The following FSTL5 variants were observed in gnomAD, a reference collection of about 807,000 sequenced individuals.
FSTL5 encodes the protein follistatin-related protein 5.
In FSTL5, 62 loss-of-function variants were observed where a neutral mutation model predicts 89.1. The observed-to-expected ratio is 0.70, with a 90% confidence interval of 0.57 to 0.86. The LOEUF is 0.86. FSTL5 is among the 40% of genes least tolerant of loss of function. The pLI, the probability that FSTL5 is intolerant of heterozygous loss-of-function variation, is 0.00. For missense variants in FSTL5, 1,057 were observed against 1,001.6 expected, an observed-to-expected ratio of 1.06 and a Z score of -0.75; for synonymous variants, 383 against 346.2, an observed-to-expected ratio of 1.11 and a Z score of -1.18.
chr4:161,861,160 C>T (rs1056229206), intron 4 of FSTL5, among the ~76,000 whole-genome samples: 1 of 152,136 alleles, frequency 6.6e-6, no homozygotes. Context: ...TGATGGCTCA[C>T]GTCTGTAATC....
Position 162,033,670 on chromosome 4 carries a change from A to G in FSTL5, c.127-12T>C. On this transcript the variant is annotated splice_polypyrimidine_tract_variant and intron_variant, in intron 2 of 15. Transcript: ENST00000306100. ...TGATTTTTTTCCTGCTGGAAATAAA[A>G]CAGAAAATAGGTCAAAATATGTAAG... 6.8e-7 allele frequency: 1 copy of G among 1,461,520 alleles called. No individual in the cohort carries two copies. The highest frequency in any genetic ancestry group is 9.4e-7 in the Non-Finnish European group (1 of 1,061,072). 90.5% of individuals were successfully genotyped at this position (1,461,520 alleles called of 1,614,324 possible).
At chr4:162,026,480 G>T (rs972977793) in intron 3 of FSTL5, among the ~76,000 whole-genome samples, 2 of 151,248 alleles carry the variant, frequency 1.3e-5, no homozygotes, top group East Asian at 2.0e-4. Context: ...GCTAATTTTT[G>T]TATTTTTAGT....
intron 1 of FSTL5, among the ~76,000 whole-genome samples, chr4:162,129,679 C>T (rs912410322): frequency 6.6e-6 from 1 of 152,068 alleles, no homozygotes; most frequent in African/African-American, 2.4e-5. Context: ...GAAAACAAAA[C>T]AAAATGAAAA....
At chr4:161,551,084 A>G (rs1181492407) in intron 8 of FSTL5, among the ~76,000 whole-genome samples, 1 of 151,918 alleles carries the variant, frequency 6.6e-6, no homozygotes, top group African/African-American at 2.4e-5. Context: ...TTTATAGTCC[A>G]TTGAGTATAT....
intron 6 of FSTL5, among the ~76,000 whole-genome samples, chr4:161,675,932 C>T (rs554057602): frequency 6.9e-4 from 105 of 152,082 alleles, no homozygotes; most frequent in African/African-American, 2.4e-3. Flanking sequence ...TATTACCTTG[C>T]AATGTGGCAT....
chr4:162,067,074 C>T (rs1349628088), intron 2 of FSTL5, among the ~76,000 whole-genome samples: 1 of 152,064 alleles, frequency 6.6e-6, no homozygotes, highest in Non-Finnish European at 1.5e-5. Context: ...CTTGTTCTGT[C>T]ACCCAGGCTG....
intron 5 of FSTL5, among the ~76,000 whole-genome samples, chr4:161,761,012 C>G (rs1180261356): frequency 6.6e-6 from 1 of 152,166 alleles, no homozygotes; most frequent in Non-Finnish European, 1.5e-5. Flanking sequence ...TTAGCACATG[C>G]AGTGCTAAAT....
intron 3 of FSTL5, among the ~76,000 whole-genome samples, chr4:161,950,241 T>A (rs1734853574): frequency 6.6e-6 from 1 of 152,182 alleles, no homozygotes; most frequent in South Asian, 2.1e-4. Context: ...ACAGCACAGC[T>A]GCCAACATTC....
intron 5 of FSTL5, among the ~76,000 whole-genome samples, chr4:161,773,873 A>G (rs1741298149): frequency 6.6e-6 from 1 of 152,202 alleles, no homozygotes; most frequent in Non-Finnish European, 1.5e-5. Flanking sequence ...CATTATATGA[A>G]AAATATACTT....
intron 6 of FSTL5, among the ~76,000 whole-genome samples, chr4:161,743,007 T>G (rs1203525251): frequency 6.6e-6 from 1 of 152,160 alleles, no homozygotes; most frequent in Non-Finnish European, 1.5e-5. Flanking sequence ...TACCATTCCT[T>G]GGGTGGTCTT....
At position 161,407,247 on chromosome 4, in the gene FSTL5, G is replaced by A. The variant is rs146331401; in HGVS notation, c.1842-20798C>T. On this transcript the variant is annotated intron_variant, in intron 15 of 15. Transcript: ENST00000306100. ...GAATCTCCTTGGAGAAGGAGGCCACGTGATGGTCTAGCAGATACACTATAT... is the reference window on the plus strand; with the variant it reads ...GAATCTCCTTGGAGAAGGAGGCCACATGATGGTCTAGCAGATACACTATAT... Among the ~76,000 whole-genome samples, 302 of 152,290 alleles carry A rather than the reference G, an allele frequency of 2.0e-3. 7 individuals are homozygous for A. The East Asian group carries it at 0.048, about 24-fold the overall frequency.
At chr4:162,142,967 A>G (rs561178879) in intron 1 of FSTL5, among the ~76,000 whole-genome samples, 2 of 152,304 alleles carry the variant, frequency 1.3e-5, no homozygotes, top group Non-Finnish European at 2.9e-5. Context: ...AAGTAATGAC[A>G]ACTGTTACTA....
At chr4:161,459,601 G>A (rs1186698845) in intron 13 of FSTL5, among the ~76,000 whole-genome samples, 1 of 151,942 alleles carries the variant, frequency 6.6e-6, no homozygotes, top group Non-Finnish European at 1.5e-5. Flanking sequence ...TTGCACAACT[G>A]TACACAGCTT....
chr4:162,118,592 T>A (rs1373486418), intron 1 of FSTL5, among the ~76,000 whole-genome samples: 1 of 152,168 alleles, frequency 6.6e-6, no homozygotes, highest in Non-Finnish European at 1.5e-5. Flanking sequence ...TTCAGAGAAG[T>A]GGATTTTCTC....
rs185979903 is a variant in FSTL5 at position 161,642,970 on chromosome 4, C to A, written c.894+13358G>T. The stretch of plus-strand genomic sequence containing the variant: ...TAAATTTTATGCTATGTGTATTCAA[C>A]CACAATTTAAAAATTAGAAAAAATC... On this transcript the variant is annotated intron_variant, in intron 7 of 15. Transcript: ENST00000306100. Among the ~76,000 whole-genome samples the A allele has an allele frequency of 2.0e-3, 298 of 152,180 alleles. 1 individual carries two copies. Among genetic ancestry groups the A allele is most frequent in the Admixed American group, 0.018 (282 of 15,300 alleles).
chr4:162,128,217 C>T lies in FSTL5; in HGVS notation c.-16-16805G>A, dbSNP rs138772384. Among the ~76,000 whole-genome samples, 542 of 152,288 alleles carry T rather than the reference C, an allele frequency of 3.6e-3. 3 individuals are homozygous for T. Among genetic ancestry groups the T allele is most frequent in the African/African-American group, 0.013 (520 of 41,574 alleles). On this transcript the variant is annotated intron_variant, in intron 1 of 15. Coordinates refer to ENST00000306100, the MANE Select transcript of FSTL5 (RefSeq NM_020116.5). Reference sequence around the variant, plus strand: ...TAGTAATATGTCTGTAGTATTTTTACATATTTGTAGAGCAATATGTCTAGA... The same window carrying T: ...TAGTAATATGTCTGTAGTATTTTTATATATTTGTAGAGCAATATGTCTAGA...
chr4:161,702,627 G>T (rs1579033457), intron 6 of FSTL5, among the ~76,000 whole-genome samples: 1 of 152,136 alleles, frequency 6.6e-6, no homozygotes. Context: ...CTCCCAGGTT[G>T]CCACAGCTGT....
At chr4:161,580,593 T>G (rs761966995) in intron 8 of FSTL5, among the ~76,000 whole-genome samples, 7 of 152,090 alleles carry the variant, frequency 4.6e-5, no homozygotes, top group Non-Finnish European at 1.0e-4. Flanking sequence ...GTGGACCCCT[T>G]GAACAATGTT....
intron 7 of FSTL5, among the ~76,000 whole-genome samples, chr4:161,616,067 T>C (rs1019079017): frequency 2.6e-5 from 4 of 151,846 alleles, no homozygotes; most frequent in Non-Finnish European, 4.4e-5. Context: ...TCTGAGTGTT[T>C]TTTTTTTCTT....
Sources: allele counts gnomAD v4.1 joint callset (sites outside exome capture counted in the v4.1 genomes callset), GRCh38; gene constraint gnomAD v4.1.1; transcripts MANE v1.5; gene names NCBI Gene and HGNC (gene_info 2026-07-23, HGNC 2026-07-21).